TRIM67: variants seen among roughly 807,000 people sequenced by gnomAD.
TRIM67 encodes tripartite motif-containing protein 67.
Under a neutral mutation model 71.0 loss-of-function variants are expected in TRIM67, and 39 were observed. The ratio of observed to expected loss-of-function variants is 0.55; its 90% confidence interval spans 0.43 to 0.72. The LOEUF is 0.72. TRIM67 is among the 30% of genes least tolerant of loss of function. The probability of loss-of-function intolerance (pLI) is 0.00; values close to 1 mark genes in which losing one functional copy is unlikely to be tolerated. For synonymous variants in TRIM67, 481 were observed against 473.9 expected (o/e 1.01, Z -0.19); for missense variants, 973 against 1,079.2 (o/e 0.90, Z 1.38).
chr1:231,213,755 G>C (rs1683933937), intron 8 of TRIM67, 60 bp from the exon 9 acceptor site: 1 of 1,504,994 alleles, frequency 6.6e-7, no homozygotes, highest in African/African-American at 1.4e-5. Flanking sequence ...ATTCTCCTGA[G>C]TTATCACCTA....
intron 7 of TRIM67, among the ~76,000 whole-genome samples, chr1:231,207,037 G>A (rs918597879): frequency 3.3e-5 from 5 of 152,174 alleles, no homozygotes; most frequent in Non-Finnish European, 7.3e-5. Flanking sequence ...CTGAAGATGG[G>A]GGAGGGAGGA....
intron 1 of TRIM67, among the ~76,000 whole-genome samples, chr1:231,183,212 C>T (rs1410026007): frequency 6.6e-6 from 1 of 152,162 alleles, no homozygotes; most frequent in East Asian, 1.9e-4. Flanking sequence ...GCTGTCTTTG[C>T]ATTTGTTGGG....
chr1:231,207,259 C>T (rs1683729533), intron 7 of TRIM67, among the ~76,000 whole-genome samples: 1 of 152,196 alleles, frequency 6.6e-6, no homozygotes, highest in South Asian at 2.1e-4. Context: ...GACAAGAAAA[C>T]TCCACGATAG....
Position 231,163,071 on chromosome 1 carries a change from C to T in TRIM67, c.102C>T (p.Ile34=). ...TCTGCCTGCCTTGCGCTCGCACCAT[C>T]GCGGTGCAGACCCCGGACGGTGAGC... The part of the protein sequence containing the change: ...HNVCLPCART[I]AVQTPDGEQH... The change falls in exon 1 of 10, where the codon ATC becomes ATT. Residue 34 remains isoleucine, a synonymous_variant. Transcript: ENST00000366653. 6.2e-7 allele frequency: 1 copy of T among 1,600,770 alleles called. No individual in the cohort carries two copies. The highest frequency in any genetic ancestry group is 8.5e-7 in the Non-Finnish European group (1 of 1,174,364).
intron 4 of TRIM67, 96 bp from the exon 5 acceptor site, chr1:231,201,262 G>A: frequency 7.4e-7 from 1 of 1,345,442 alleles, no homozygotes; most frequent in Non-Finnish European, 1.0e-6. Context: ...CTGTCTCTGA[G>A]TCCCATAGAG....
intron 1 of TRIM67, 101 bp downstream of exon 1, chr1:231,164,114 G>A: frequency 7.5e-7 from 1 of 1,327,234 alleles, no homozygotes; most frequent in Non-Finnish European, 9.7e-7. Flanking sequence ...GTCGGTCAGA[G>A]GGTCAGGCAG....
chr1:231,216,301 C>T lies in TRIM67; in HGVS notation c.*861C>T. The T allele has an allele frequency of 1.0e-6, 1 of 985,352 alleles. No homozygotes were observed. The highest frequency in any genetic ancestry group is 1.2e-6 in the Non-Finnish European group (1 of 829,858). The allele number at this position is 985,352 out of a possible 1,614,324, so 61.0% of individuals were successfully genotyped here. ...CCTCCTTCTCTCTCTCTCTCACACA[C>T]ACACAGGCATGACAGTCTCCTAAAA... On this transcript the variant is annotated 3_prime_UTR_variant, in exon 10 of 10. Transcript: ENST00000366653.
rs1684035192 is a variant in TRIM67, at chr1:231,217,171, G to C, written c.*1731G>C. 1 of 985,978 alleles carries C rather than the reference G, an allele frequency of 1.0e-6. No homozygotes were observed. The highest frequency in any genetic ancestry group is 1.2e-6 in the Non-Finnish European group (1 of 830,036). 61.1% of individuals were successfully genotyped at this position (985,978 alleles called of 1,614,324 possible). A position where few individuals can be genotyped will look rare whatever the true frequency, so the allele number is the denominator to read the frequency against. ...AAAGCTCATGCTCTTGGTCTGCAAG[G>C]CTGCTTGGTCCGCTGTCTCTGCAGA... On this transcript the variant is annotated 3_prime_UTR_variant, in exon 10 of 10. Coordinates refer to ENST00000366653, the MANE Select transcript of TRIM67 (RefSeq NM_001004342.5).
At chr1:231,200,396 C>A in intron 4 of TRIM67, 138 bp downstream of exon 4, 1 of 603,156 alleles carries the variant, frequency 1.7e-6, no homozygotes, top group Non-Finnish European at 3.0e-6. Context: ...TTCCAGAAGA[C>A]CTAGGCTCTC....
At chr1:231,167,837 T>G (rs192718629) in intron 1 of TRIM67, among the ~76,000 whole-genome samples, 14 of 152,320 alleles carry the variant, frequency 9.2e-5, no homozygotes, top group African/African-American at 3.1e-4. Context: ...AAGGGTATGT[T>G]AGGCTTTAAA....
intron 1 of TRIM67, among the ~76,000 whole-genome samples, chr1:231,169,967 C>G (rs1240723683): frequency 6.7e-6 from 1 of 148,306 alleles, no homozygotes; most frequent in Non-Finnish European, 1.5e-5. Flanking sequence ...TTATGTTACA[C>G]CTTTAAAATG....
intron 1 of TRIM67, 44 bp from the exon 2 acceptor site, chr1:231,197,327 T>C: frequency 6.3e-7 from 1 of 1,582,716 alleles, no homozygotes; most frequent in Non-Finnish European, 8.7e-7. Flanking sequence ...TTTCTGTGCC[T>C]TTCACAACTA....
intron 2 of TRIM67, 135 bp downstream of exon 2, chr1:231,197,601 A>T (rs1683402406): frequency 1.5e-6 from 1 of 657,006 alleles, no homozygotes; most frequent in Non-Finnish European, 2.6e-6. Flanking sequence ...CGAGGCGGGC[A>T]GATCACCTGA....
rs149148678 is a variant in TRIM67, at chr1:231,208,884, G to A, written c.1820-63G>A. The A allele has an allele frequency of 9.5e-6, 14 of 1,475,214 alleles. 1 individual carries two copies. Among genetic ancestry groups the A allele is most frequent in the African/African-American group, 5.6e-5 (4 of 70,912 alleles). 91.4% of individuals were successfully genotyped at this position (1,475,214 alleles called of 1,614,324 possible). A position where few individuals can be genotyped will look rare whatever the true frequency, so the allele number is the denominator to read the frequency against. On this transcript the variant is annotated intron_variant, in intron 7 of 9. Coordinates refer to ENST00000366653, the MANE Select transcript of TRIM67 (RefSeq NM_001004342.5). ...GCGAATGTGTTTGTGTCTCTGAGCC[G>A]GTTAGAAACTACTAGCAAATTCCAT...
At chr1:231,195,727 T>G (rs1460727677) in intron 1 of TRIM67, among the ~76,000 whole-genome samples, 1 of 152,178 alleles carries the variant, frequency 6.6e-6, no homozygotes, top group Non-Finnish European at 1.5e-5. Flanking sequence ...CTCCATAGGT[T>G]TTCAGTGGAG....
Position 231,220,293 on chromosome 1 carries a change from G to T in TRIM67, c.*4853G>T, listed in dbSNP as rs1368259809. On this transcript the variant is annotated 3_prime_UTR_variant, in exon 10 of 10. Coordinates refer to ENST00000366653, the MANE Select transcript of TRIM67 (RefSeq NM_001004342.5). The stretch of plus-strand genomic sequence containing the variant: ...GACAGGTTTCCTATGACCATAGAAA[G>T]TAACACCCCATATGTTTCCATTCCC... 4 of 245,846 alleles carry T rather than the reference G, an allele frequency of 1.6e-5. No individual in the cohort carries two copies. Among genetic ancestry groups the T allele is most frequent in the Non-Finnish European group, 1.6e-5 (2 of 122,874 alleles). 15.2% of individuals were successfully genotyped at this position (245,846 alleles called of 1,614,324 possible).
chr1:231,205,891 C>T (rs1683681778), intron 6 of TRIM67, among the ~76,000 whole-genome samples: 2 of 152,134 alleles, frequency 1.3e-5, no homozygotes, highest in Non-Finnish European at 2.9e-5. Context: ...GCCCGTGGCT[C>T]AATAGTCTTG....
intron 1 of TRIM67, among the ~76,000 whole-genome samples, chr1:231,193,845 G>A (rs944059918): frequency 3.9e-5 from 6 of 152,108 alleles, no homozygotes; most frequent in Admixed American, 6.5e-5. Context: ...GACTAATACA[G>A]TGAGAACCCG....
chr1:231,197,329 T>C (rs1228702314), intron 1 of TRIM67, 42 bp from the exon 2 acceptor site: 1 of 1,587,664 alleles, frequency 6.3e-7, no homozygotes, highest in Non-Finnish European at 8.6e-7. Flanking sequence ...TCTGTGCCTT[T>C]CACAACTAAT....
Sources: allele counts gnomAD v4.1 joint callset (sites outside exome capture counted in the v4.1 genomes callset), GRCh38; gene constraint gnomAD v4.1.1; transcripts MANE v1.5; gene names NCBI Gene and HGNC (gene_info 2026-07-23, HGNC 2026-07-21).